Variants in MYO18A observed in about 807,000 individuals in gnomAD.
MYO18A encodes the protein myosin XVIIIA.
Under a neutral mutation model 235.8 loss-of-function variants are expected in MYO18A, and 78 were observed. The ratio of observed to expected loss-of-function variants is 0.33; its 90% CI spans 0.28 to 0.40. The LOEUF is 0.40. Ranked by LOEUF, MYO18A falls within the 10% of genes least tolerant of loss-of-function variation. MYO18A has a pLI of 1.00. For missense variants in MYO18A, 2,215 were observed against 2,699.3 expected, an observed-to-expected ratio of 0.82 and a Z score of 3.98; for synonymous variants, 977 against 1,077.8, an observed-to-expected ratio of 0.91 and a Z score of 1.83.
In MYO18A at chr17:29,072,354, G is replaced by A. The variant is rs4965973; in HGVS notation, c.*2416C>T. The A allele has an allele frequency of 0.42, 63,651 of 151,618 alleles. 14,642 individuals are homozygous for A. Among genetic ancestry groups the A allele is most frequent in the East Asian group, 0.84 (4,347 of 5,166 alleles). The allele number at this position is 151,618 out of a possible 1,614,324, so 9.4% of individuals were successfully genotyped here. Reference sequence around the variant, plus strand: ...AGCCTGCTCAACATGGCGAAACCCCGTCTCTATTAAAAATACAAAAATTAG... The same window carrying A: ...AGCCTGCTCAACATGGCGAAACCCCATCTCTATTAAAAATACAAAAATTAG... On this transcript the variant is annotated 3_prime_UTR_variant, in exon 42 of 42. Transcript: ENST00000527372.
intron 2 of MYO18A, among the ~76,000 whole-genome samples, chr17:29,148,306 T>C (rs1383610709): frequency 6.6e-6 from 1 of 152,170 alleles, no homozygotes; most frequent in Non-Finnish European, 1.5e-5. Context: ...TATTACAAAT[T>C]TGCGGTGTGT....
chr17:29,087,249 TGG>T, intron 37 of MYO18A, 128 bp from the exon 38 acceptor site: 1 of 929,052 alleles, frequency 1.1e-6, no homozygotes, highest in Non-Finnish European at 1.6e-6. Context: ...ATTGGCTACC[TGG>T]GCAAGCAACC....
At chr17:29,090,456 CTG>C in intron 36 of MYO18A, 74 bp downstream of exon 36, 1 of 1,347,532 alleles carries the variant, frequency 7.4e-7, no homozygotes, top group South Asian at 1.3e-5. Context: ...GCCTTCTAAA[CTG>C]TGAACTTGGG....
Position 29,140,143 on chromosome 17 carries a change from T to C in MYO18A, c.1000-17890A>G, listed in dbSNP as rs1693422529. The stretch of plus-strand genomic sequence containing the variant: ...TGCCCTGCTCCTAGCCACGGAGGGG[T>C]TTTGAGGCTTCCGGGGCTGAGTAAC... On this transcript the variant is annotated intron_variant, in intron 2 of 41. Transcript: ENST00000527372. The surrounding 1 kb of genome is among the most constrained non-coding windows in gnomAD (Gnocchi z 4.2). Among the ~76,000 whole-genome samples, 1 of 151,440 alleles carries C rather than the reference T, an allele frequency of 6.6e-6. No individual in the cohort carries two copies. The highest frequency in any genetic ancestry group is 2.4e-5 in the African/African-American group (1 of 41,154).
At chr17:29,089,770 G>C (rs1350104344) in intron 37 of MYO18A, among the ~76,000 whole-genome samples, 191 bp downstream of exon 37, 1 of 152,242 alleles carries the variant, frequency 6.6e-6, no homozygotes, top group African/African-American at 2.4e-5. Flanking sequence ...AAAGCAGGCG[G>C]GCTCCACGGT....
intron 41 of MYO18A, among the ~76,000 whole-genome samples, chr17:29,081,360 C>T (rs556300777): frequency 6.6e-6 from 1 of 152,092 alleles, no homozygotes; most frequent in Non-Finnish European, 1.5e-5. Flanking sequence ...GGCAGTGGGG[C>T]GGGGAAGCCG....
In MYO18A at chr17:29,094,716, C is replaced by T; in HGVS notation, c.4644G>A (p.Glu1548=). ...CTTCTTCCTGATCCTTGACTTTGGC[C>T]TCCAGGTCCCGGAGCTGTTTCTTGA... ...AKVKKQLRDL[E]AKVKDQEEEL... The change falls in exon 30 of 42, where the codon GAG becomes GAA. Residue 1548 remains glutamate (E), a synonymous_variant. Transcript: ENST00000527372. The T allele has an allele frequency of 6.2e-7, 1 of 1,614,058 alleles. No homozygotes were observed. The highest frequency in any genetic ancestry group is 8.5e-7 in the Non-Finnish European group (1 of 1,179,904).
rs765159994 is a variant in MYO18A at position 29,166,545 on chromosome 17, T to C, written c.396A>G (p.Ser132=). 6.2e-7 allele frequency: 1 copy of C among 1,613,768 alleles called. No individual in the cohort carries two copies. The highest frequency in any genetic ancestry group is 1.1e-5 in the South Asian group (1 of 91,072). The stretch of plus-strand genomic sequence containing the variant: ...AGGAAAAGCGCTTGACAATCATCTG[T>C]GAGTTCTGCTTGGCCAGTGAGCCGA... ...AKFGSLAKQN[S]QMIVKRFSFS... is the part of the protein sequence containing the mutation. The change falls in exon 2 of 42, where the codon TCA becomes TCG. Residue 132 remains serine, a synonymous_variant. Transcript: ENST00000527372.
At chr17:29,095,758 T>C (rs12938581) in intron 28 of MYO18A, among the ~76,000 whole-genome samples, 19,866 of 152,238 alleles carry the variant, frequency 0.13, 1,560 homozygotes, top group South Asian at 0.28. Context: ...CCTGTGGAAG[T>C]TGAATGCTCC....
chr17:29,121,769 T>C lies in MYO18A; in HGVS notation c.1195-46A>G, dbSNP rs928304851. The C allele has an allele frequency of 1.2e-5, 20 of 1,600,880 alleles. No homozygotes were observed. Among genetic ancestry groups the C allele is most frequent in the African/African-American group, 2.7e-5 (2 of 74,618 alleles). On this transcript the variant is annotated intron_variant, in intron 4 of 41. Coordinates refer to ENST00000527372, the MANE Select transcript of MYO18A (RefSeq NM_078471.4). This position sits in a 1 kb window ranked among gnomAD's most constrained non-coding sequence, Gnocchi z 4.2. ...GTGGGTATTAGAGCAGCAGAGCCCA[T>C]CTCCGCTGCCAGAGGATGGGCCTGC...
At chr17:29,145,580 T>C (rs1162252957) in intron 2 of MYO18A, among the ~76,000 whole-genome samples, 1 of 152,202 alleles carries the variant, frequency 6.6e-6, no homozygotes, top group South Asian at 2.1e-4. Context: ...CTGAGCTTCC[T>C]GAGGCAGAGG....
intron 2 of MYO18A, among the ~76,000 whole-genome samples, chr17:29,153,987 C>T (rs1437611087): frequency 1.3e-5 from 2 of 152,178 alleles, no homozygotes; most frequent in East Asian, 3.9e-4. Flanking sequence ...GAGACAAAGT[C>T]CTCTGGTGCG....
At chr17:29,100,310 G>T (rs576351964) in intron 21 of MYO18A, among the ~76,000 whole-genome samples, 6 of 152,234 alleles carry the variant, frequency 3.9e-5, no homozygotes, top group Non-Finnish European at 5.9e-5. Flanking sequence ...GAATGGGAAG[G>T]GGGGTGGTGG....
rs1261208508 is a variant in MYO18A, at chr17:29,111,181, T to C, written c.2900+243A>G. 6.6e-6 allele frequency among the ~76,000 whole-genome samples: 1 copy of C among 152,160 alleles called. No homozygotes were observed. Among genetic ancestry groups the C allele is most frequent in the Non-Finnish European group, 1.5e-5 (1 of 68,020 alleles). ...GGGTTCTAAGGCCGCTCCTGCCTTC[T>C]TTGACTTGAGGGTGTTCTTCACATT... On this transcript the variant is annotated intron_variant, in intron 17 of 41. Transcript: ENST00000527372. The surrounding 1 kb of genome is among the most constrained non-coding windows in gnomAD (Gnocchi z 5.1).
At chr17:29,139,228 G>A (rs1340616648) in intron 2 of MYO18A, among the ~76,000 whole-genome samples, 2 of 152,190 alleles carry the variant, frequency 1.3e-5, no homozygotes, top group South Asian at 4.1e-4. Context: ...CTCCTCCAAC[G>A]ACTGAACCTG....
At chr17:29,088,591 C>T (rs921315756) in intron 37 of MYO18A, among the ~76,000 whole-genome samples, 8 of 152,242 alleles carry the variant, frequency 5.3e-5, no homozygotes, top group East Asian at 3.9e-4. Flanking sequence ...GGAGAACCGA[C>T]GGTGTGGAGA....
intron 8 of MYO18A, 50 bp downstream of exon 8, chr17:29,119,285 C>A: frequency 7.1e-7 from 1 of 1,408,856 alleles, no homozygotes; most frequent in South Asian, 1.2e-5. Context: ...GGAGCCCAGT[C>A]AGTGGGCTGG....
At position 29,094,797 on chromosome 17, in the gene MYO18A, T is replaced by C. The variant is rs2066481513; in HGVS notation, c.4563A>G (p.Ala1521=). Residue 1521 remains alanine, a synonymous_variant, in exon 30 of 42, where the codon GCA becomes GCG. Transcript: ENST00000527372. ...GFTQKVVSLE[A]ELQDISSQES... is the part of the protein sequence containing the mutation. ...CTTGGGAAGAAATGTCCTGGAGCTC[T>C]GCCTCTAGAGACACAACCTTCTGGG... 1.9e-6 allele frequency: 3 copies of C among 1,614,070 alleles called. No individual in the cohort carries two copies. Among genetic ancestry groups the C allele is most frequent in the Non-Finnish European group, 1.7e-6 (2 of 1,179,906 alleles).
At chr17:29,103,724 T>TGGAGAAAGC in intron 20 of MYO18A, 60 bp from the exon 21 acceptor site, 1 of 1,554,662 alleles carries the variant, frequency 6.4e-7, no homozygotes, top group Non-Finnish European at 8.9e-7. Context: ...ATGCAGGGCT[T>TGGAGAAAGC]TCTCCAGGCC....
Sources: allele counts gnomAD v4.1 joint callset (sites outside exome capture counted in the v4.1 genomes callset), GRCh38; gene constraint gnomAD v4.1.1; non-coding constraint Gnocchi (gnomAD v3.1); transcripts MANE v1.5; gene names NCBI Gene and HGNC (gene_info 2026-07-23, HGNC 2026-07-21).